Variants in DES observed in about 807,000 individuals in gnomAD.
DES encodes desmin, also known as cardiomyopathy, dilated 1F (autosomal dominant).
DES carries 34 observed loss-of-function variants against 55.1 expected under a neutral mutation model. The ratio of observed to expected loss-of-function variants is 0.62; its 90% CI spans 0.47 to 0.82. DES has a LOEUF of 0.82. DES is among the 40% of genes least tolerant of loss of function. The pLI is 0.00. For synonymous variants in DES, 259 were observed against 270.8 expected (o/e 0.96, Z 0.43); for missense variants, 596 against 645.9 (o/e 0.92, Z 0.84).
At position 219,420,710 on chromosome 2, in the gene DES, G is replaced by A; in HGVS notation, c.897+54G>A. ...CTCCGTCCCCCTGAATCCCAGCTTG[G>A]ATGTGCTGCCTGTGGTACCATCCAT... is the stretch of plus-strand genomic sequence containing the variant. On this transcript the variant is annotated intron_variant, in intron 4 of 8. Transcript: ENST00000373960. This position sits in a 1 kb window ranked among gnomAD's most constrained non-coding sequence, Gnocchi z 6.0. 3 of 1,613,892 alleles carry A rather than the reference G, an allele frequency of 1.9e-6. No homozygotes were observed. The Admixed American group carries it at 5.0e-5, about 27-fold the overall frequency.
Position 219,426,034 on chromosome 2 carries a change from C to T in DES, c.*44C>T, listed in dbSNP as rs777083715. 8.7e-6 allele frequency: 14 copies of T among 1,609,226 alleles called. No homozygotes were observed. In the South Asian group the frequency reaches 1.5e-4, roughly 18 times the overall value. Reference sequence around the variant, plus strand: ...ACCAGAGACCGTCCTCACCCCTGTCCTCACTGCTCCCTGAAGCCAGCCTTC... The same window carrying T: ...ACCAGAGACCGTCCTCACCCCTGTCTTCACTGCTCCCTGAAGCCAGCCTTC... On this transcript the variant is annotated 3_prime_UTR_variant, in exon 9 of 9. Coordinates refer to ENST00000373960, the MANE Select transcript of DES (RefSeq NM_001927.4). The surrounding 1 kb of genome is among the most constrained non-coding windows in gnomAD (Gnocchi z 4.5).
chr2:219,425,829 T>C, intron 8 of DES, 84 bp downstream of exon 8: 1 of 1,601,040 alleles, frequency 6.2e-7, no homozygotes, highest in Non-Finnish European at 8.6e-7. Context: ...GCTGTGCTGG[T>C]CTAGGTCCCT....
chr2:219,418,523 GC>G lies in DES; in HGVS notation c.65del (p.Pro22ArgfsTer9). On this transcript the variant is annotated frameshift_variant, in exon 1 of 9. Transcript: ENST00000373960. LOFTEE classifies it high-confidence loss of function. ...VSSYRRTFGGAPGFPLGSPLS... is the reference protein window; with the variant it reads ...VSSYRRTFGGXPGFPLGSPLS... ...CTCCTACCGCCGCACCTTCGGCGGG[GC>G]CCCGGGCTTCCCACTCGGCTCCCCG... 1 of 1,603,742 alleles carries G rather than the reference GC, an allele frequency of 6.2e-7. No individual in the cohort carries two copies.
rs202010947 is a variant in DES at position 219,421,449 on chromosome 2, A to G, written c.1133A>G (p.Lys378Arg). Reference sequence around the variant, plus strand: ...CTGGAGGAGGAAATCCGGCACCTCAAGGATGAGATGGCCCGCCATCTGCGC... The same window carrying G: ...CTGGAGGAGGAAATCCGGCACCTCAGGGATGAGATGGCCCGCCATCTGCGC... ...ARLEEEIRHL[K>R]DEMARHLREY... Residue 378 changes from lysine to arginine, a missense_variant, in exon 6 of 9, where the codon AAG (lysine) becomes AGG (arginine). By Grantham distance (26) the Lys-to-Arg change is conservative (BLOSUM62 2). Transcript: ENST00000373960. 6.2e-7 allele frequency: 1 copy of G among 1,614,140 alleles called. No homozygotes were observed. Among genetic ancestry groups the G allele is most frequent in the Non-Finnish European group, 8.5e-7 (1 of 1,180,014 alleles).
At position 219,418,773 on chromosome 2, in the gene DES, C is replaced by A; in HGVS notation, c.311C>A (p.Thr104Lys). The A allele has an allele frequency of 1.3e-6, 2 of 1,563,044 alleles. No homozygotes were observed. The highest frequency in any genetic ancestry group is 2.4e-5 in the East Asian group (1 of 42,254). Reference sequence around the variant, plus strand: ...GCGGTGAACCAGGAGTTTCTGACCACGCGCACCAACGAGAAGGTGGAGCTG... The same window carrying A: ...GCGGTGAACCAGGAGTTTCTGACCAAGCGCACCAACGAGAAGGTGGAGCTG... Reference protein sequence around the residue: ...ADAVNQEFLTTRTNEKVELQE... With the variant: ...ADAVNQEFLTKRTNEKVELQE... Residue 104 changes from threonine to lysine, a missense_variant, in exon 1 of 9, where the codon ACG (threonine) becomes AAG (lysine). Transcript: ENST00000373960.
chr2:219,419,022 T>A lies in DES; in HGVS notation c.560T>A (p.Leu187Gln). Residue 187 changes from leucine (L) to glutamine (Q), a missense_variant, in exon 1 of 9, where the codon CTG (leucine) becomes CAG (glutamine). Physicochemically the swap from Leu to Gln is moderately radical, Grantham distance 113. Coordinates refer to ENST00000373960, the MANE Select transcript of DES (RefSeq NM_001927.4). This position sits in a 1 kb window ranked among gnomAD's most constrained non-coding sequence, Gnocchi z 4.3. ...GAGCGCGACAACCTGCTCGACGACC[T>A]GCAGCGGCTCAAGGCCAAGTGAGGG... ...DVERDNLLDD[L>Q]QRLKAKLQEE... The A allele has an allele frequency of 1.3e-6, 2 of 1,543,394 alleles. No individual in the cohort carries two copies. Among genetic ancestry groups the A allele is most frequent in the Non-Finnish European group, 1.7e-6 (2 of 1,147,128 alleles).
At chr2:219,421,668 A>AT (rs1954447477) in intron 6 of DES, 108 bp downstream of exon 6, 6 of 1,088,454 alleles carry the variant, frequency 5.5e-6, no homozygotes, top group African/African-American at 4.9e-5. Flanking sequence ...ACCTGGAAAC[A>AT]ATTTTTTTTT....
At chr2:219,425,798 G>A (rs1954524954) in intron 8 of DES, 53 bp downstream of exon 8, 2 of 1,602,734 alleles carry the variant, frequency 1.2e-6, no homozygotes, top group Non-Finnish European at 1.7e-6. Flanking sequence ...GGATGTGTCT[G>A]GGGGGACTGT....
chr2:219,418,856 C>A lies in DES; in HGVS notation c.394C>A (p.Gln132Lys). The A allele has an allele frequency of 6.3e-7, 1 of 1,579,684 alleles. No homozygotes were observed. Among genetic ancestry groups the A allele is most frequent in the Non-Finnish European group, 8.6e-7 (1 of 1,162,976 alleles). ...YIEKVRFLEQ[Q>K]NAALAAEVNR... is the part of the protein sequence containing the mutation. ...CGAGAAGGTGCGCTTCCTGGAGCAG[C>A]AGAACGCGGCGCTCGCCGCCGAAGT... The change falls in exon 1 of 9, where the codon CAG becomes AAG. Residue 132 changes from glutamine to lysine, a missense_variant. Physicochemically the swap from Gln to Lys is moderately conservative, Grantham distance 53. Transcript: ENST00000373960.
Position 219,418,755 on chromosome 2 carries a change from A to G in DES, c.293A>G (p.Asn98Ser). ...GACTTCTCACTGGCCGACGCGGTGA[A>G]CCAGGAGTTTCTGACCACGCGCACC... Reference protein sequence around the residue: ...LLDFSLADAVNQEFLTTRTNE... With the variant: ...LLDFSLADAVSQEFLTTRTNE... Residue 98 changes from asparagine (N) to serine (S), a missense_variant, in exon 1 of 9, where the codon AAC (asparagine) becomes AGC (serine). Coordinates refer to ENST00000373960, the MANE Select transcript of DES (RefSeq NM_001927.4). The G allele has an allele frequency of 6.4e-7, 1 of 1,562,076 alleles. No individual in the cohort carries two copies. Among genetic ancestry groups the G allele is most frequent in the Non-Finnish European group, 8.7e-7 (1 of 1,152,560 alleles).
rs368901105 is a variant in DES, at chr2:219,418,576, G to T, written c.114G>T (p.Ala38=). 30 of 1,603,612 alleles carry T rather than the reference G, an allele frequency of 1.9e-5. No individual in the cohort carries two copies. In the African/African-American group the frequency reaches 3.9e-4, roughly 21 times the overall value. ...TGAGTTCGCCCGTGTTCCCGCGGGC[G>T]GGTTTCGGCTCTAAGGGCTCCTCCA... is the stretch of plus-strand genomic sequence containing the variant. ...SPLSSPVFPR[A]GFGSKGSSSS... is the part of the protein sequence containing the mutation. The change falls in exon 1 of 9, where the codon GCG becomes GCT. Residue 38 remains alanine (A), a synonymous_variant. Coordinates refer to ENST00000373960, the MANE Select transcript of DES (RefSeq NM_001927.4).
Position 219,419,161 on chromosome 2 carries a change from C to T in DES, c.578+121C>T. On this transcript the variant is annotated intron_variant, in intron 1 of 8. Coordinates refer to ENST00000373960, the MANE Select transcript of DES (RefSeq NM_001927.4). This position sits in a 1 kb window ranked among gnomAD's most constrained non-coding sequence, Gnocchi z 4.3. ...CCGGGGCCCGGGACCCTCTCCTGCC[C>T]CATGTGGAGAAAGGGTCCTCCACCT... 2 of 1,506,572 alleles carry T rather than the reference C, an allele frequency of 1.3e-6. No individual in the cohort carries two copies. Among genetic ancestry groups the T allele is most frequent in the South Asian group, 2.5e-5 (2 of 81,406 alleles). 93.3% of individuals were successfully genotyped at this position (1,506,572 alleles called of 1,614,324 possible).
rs374144840 is a variant in DES at position 219,420,321 on chromosome 2, C to T, written c.710C>T (p.Ala237Val). The T allele has an allele frequency of 1.9e-6, 3 of 1,614,100 alleles. No homozygotes were observed. Among genetic ancestry groups the T allele is most frequent in the South Asian group, 1.1e-5 (1 of 91,080 alleles). ...RRIESLNEEI[A>V]FLKKVHEEEI... ...ATTGAATCTCTCAACGAGGAGATCG[C>T]GTTCCTTAAGAAAGTGCATGAAGAG... The change falls in exon 3 of 9, where the codon GCG (alanine) becomes GTG (valine). Residue 237 changes from alanine to valine, a missense_variant. Coordinates refer to ENST00000373960, the MANE Select transcript of DES (RefSeq NM_001927.4). The surrounding 1 kb of genome is among the most constrained non-coding windows in gnomAD (Gnocchi z 6.0).
rs775424478 is a variant in DES at position 219,420,958 on chromosome 2, G to A, written c.1023+5G>A. 3 of 1,612,848 alleles carry A rather than the reference G, an allele frequency of 1.9e-6. No homozygotes were observed. The highest frequency in any genetic ancestry group is 1.1e-5 in the South Asian group (1 of 90,944). On this transcript the variant is annotated splice_donor_5th_base_variant and intron_variant, in intron 5 of 8. Transcript: ENST00000373960. The surrounding 1 kb of genome is among the most constrained non-coding windows in gnomAD (Gnocchi z 6.0). The stretch of plus-strand genomic sequence containing the variant: ...ATTGACGCCCTGAAGGGCACTGTGA[G>A]TCCCTGCCCACCTGGCCAGGCCCTG...
At position 219,420,652 on chromosome 2, in the gene DES, C is replaced by T. The variant is rs62636491; in HGVS notation, c.893C>T (p.Ser298Leu). Residue 298 changes from serine (S) to leucine (L), a missense_variant, in exon 4 of 9, where the codon TCG (serine) becomes TTG (leucine). Physicochemically the swap from Ser to Leu is moderately radical, Grantham distance 145. Coordinates refer to ENST00000373960, the MANE Select transcript of DES (RefSeq NM_001927.4). The surrounding 1 kb of genome is among the most constrained non-coding windows in gnomAD (Gnocchi z 6.0). ...NISEAEEWYK[S>L]KVSDLTQAAN... ...TCTGAAGCTGAGGAGTGGTACAAGT[C>T]GAAGGTGGGTGGCCTCGCCCGGGGA... 287 of 1,613,856 alleles carry T rather than the reference C, an allele frequency of 1.8e-4. No individual in the cohort carries two copies. The highest frequency in any genetic ancestry group is 2.3e-4 in the Non-Finnish European group (266 of 1,180,022).
chr2:219,426,224 G>C lies in DES; in HGVS notation c.*234G>C, dbSNP rs1251961733. The C allele has an allele frequency of 6.2e-6, 4 of 640,386 alleles. No homozygotes were observed. Among genetic ancestry groups the C allele is most frequent in the Non-Finnish European group, 1.1e-5 (4 of 352,950 alleles). The allele number at this position is 640,386 out of a possible 1,614,324, so 39.7% of individuals were successfully genotyped here. ...CGGACCCCAGCTGTGAGCCTTGGCT[G>C]TTGGCAGTGAGTGAGCCTGGCTCTT... On this transcript the variant is annotated 3_prime_UTR_variant, in exon 9 of 9. Transcript: ENST00000373960. The surrounding 1 kb of genome is among the most constrained non-coding windows in gnomAD (Gnocchi z 4.5).
chr2:219,422,461 A>ATTTTTTTTTT (rs1954462754), intron 6 of DES, among the ~76,000 whole-genome samples: 17 of 41,882 alleles, frequency 4.1e-4, no homozygotes, highest in Admixed American at 7.3e-4. Flanking sequence ...AATGTTCTAT[A>ATTTTTTTTTT]TCTTTTTTTT....
chr2:219,421,654 C>A, intron 6 of DES, 94 bp downstream of exon 6: 3 of 1,194,092 alleles, frequency 2.5e-6, no homozygotes, highest in Non-Finnish European at 3.5e-6. Flanking sequence ...ATTACCTCAA[C>A]AAGACCTGGA....
Position 219,420,008 on chromosome 2 carries a change from C to T in DES, c.579-87C>T. On this transcript the variant is annotated intron_variant, in intron 1 of 8. Transcript: ENST00000373960. This position sits in a 1 kb window ranked among gnomAD's most constrained non-coding sequence, Gnocchi z 6.0. Reference sequence around the variant, plus strand: ...CCAGGCCCTCCCGCTCTGTCCTGGACCCACCCCCTGGTCAGCCCCCGGCCA... The same window carrying T: ...CCAGGCCCTCCCGCTCTGTCCTGGATCCACCCCCTGGTCAGCCCCCGGCCA... 4.2e-6 allele frequency: 6 copies of T among 1,443,768 alleles called. No homozygotes were observed. The highest frequency in any genetic ancestry group is 5.8e-6 in the Non-Finnish European group (6 of 1,026,860). The allele number at this position is 1,443,768 out of a possible 1,614,324, so 89.4% of individuals were successfully genotyped here.
Sources: gnomAD v4.1 joint callset for allele counts (sites outside exome capture counted in the v4.1 genomes callset) on GRCh38, gnomAD v4.1.1 for gene constraint, Gnocchi (gnomAD v3.1) non-coding constraint, MANE v1.5 for transcripts, NCBI Gene and HGNC (gene_info 2026-07-23, HGNC 2026-07-21) for gene names.